Variants in DLGAP1 observed in about 807,000 individuals in gnomAD.
DLGAP1 encodes the protein DLG associated protein 1, also known as disks large-associated protein 1.
A neutral mutation model predicts 90.8 loss-of-function variants in DLGAP1; 11 were observed. The observed-to-expected ratio is 0.12, with a 90% CI of 0.08 to 0.20. DLGAP1 has a LOEUF of 0.20. DLGAP1 is among the 10% of genes least tolerant of loss of function. DLGAP1 has a pLI of 1.00. For missense variants in DLGAP1, 1,050 were observed against 1,333.8 expected, an observed-to-expected ratio of 0.79 and a Z score of 3.31; for synonymous variants, 558 against 540.7, an observed-to-expected ratio of 1.03 and a Z score of -0.44.
intron 1 of DLGAP1, among the ~76,000 whole-genome samples, chr18:4,407,778 A>G (rs1158464820): frequency 1.3e-5 from 2 of 151,854 alleles, no homozygotes; most frequent in African/African-American, 4.8e-5. Context: ...AGCTACTCGG[A>G]AGGCTGAGGC....
At chr18:4,033,148 C>A (rs7243737) in intron 2 of DLGAP1, among the ~76,000 whole-genome samples, 83,045 of 150,008 alleles carry the variant, frequency 0.55, 22,946 homozygotes, top group African/African-American at 0.62. Context: ...TTAGTTATTT[C>A]ATTTTTATTT....
At chr18:4,292,189 T>G (rs987026089) in intron 1 of DLGAP1, among the ~76,000 whole-genome samples, 1 of 152,152 alleles carries the variant, frequency 6.6e-6, no homozygotes, top group Admixed American at 6.6e-5. Context: ...TTGCCCTAAT[T>G]AGGCAGCATT....
At chr18:3,888,451 T>C (rs2071378309) in intron 3 of DLGAP1, among the ~76,000 whole-genome samples, 1 of 152,170 alleles carries the variant, frequency 6.6e-6, no homozygotes, top group Non-Finnish European at 1.5e-5. Context: ...GCTGTCCTAA[T>C]CATCTGCAGT....
intron 7 of DLGAP1, among the ~76,000 whole-genome samples, chr18:3,656,736 A>T (rs2059497150): frequency 1.4e-5 from 2 of 145,190 alleles, no homozygotes; most frequent in Admixed American, 1.4e-4. Context: ...TTTGCAGTGA[A>T]TTTTTTTTTT....
At chr18:4,334,296 T>G (rs1457254101) in intron 1 of DLGAP1, among the ~76,000 whole-genome samples, 1 of 151,782 alleles carries the variant, frequency 6.6e-6, no homozygotes, top group Non-Finnish European at 1.5e-5. Context: ...CATATGTTAG[T>G]CTAGTCTCTA....
intron 7 of DLGAP1, among the ~76,000 whole-genome samples, chr18:3,598,935 G>A (rs1272055393): frequency 6.6e-6 from 1 of 151,220 alleles, no homozygotes. Flanking sequence ...ACCACACCCG[G>A]CTAATGTTTG....
At chr18:4,321,196 T>C (rs2080677575) in intron 1 of DLGAP1, among the ~76,000 whole-genome samples, 2 of 152,184 alleles carry the variant, frequency 1.3e-5, no homozygotes, top group Non-Finnish European at 2.9e-5. Flanking sequence ...TCACTGTAAA[T>C]TTATAAATAT....
At chr18:3,971,937 G>A (rs2073458220) in intron 3 of DLGAP1, among the ~76,000 whole-genome samples, 1 of 152,164 alleles carries the variant, frequency 6.6e-6, no homozygotes, top group Non-Finnish European at 1.5e-5. Flanking sequence ...TAAAGTGCTG[G>A]TCCAGTTGAG....
chr18:3,502,007 T>TC (rs1180992558), intron 12 of DLGAP1: 4 of 300,188 alleles, frequency 1.3e-5, no homozygotes, highest in Non-Finnish European at 1.9e-5. Context: ...CTTTATGGTA[T>TC]ATATTTTTAG....
At chr18:4,204,528 T>TG (rs1299186148) in intron 1 of DLGAP1, among the ~76,000 whole-genome samples, 1 of 152,142 alleles carries the variant, frequency 6.6e-6, no homozygotes, top group African/African-American at 2.4e-5. Flanking sequence ...TGTTTTTGTT[T>TG]TTTTTTCTGA....
intron 1 of DLGAP1, among the ~76,000 whole-genome samples, chr18:4,172,252 G>A (rs567797549): frequency 1.2e-4 from 19 of 152,336 alleles, no homozygotes; most frequent in African/African-American, 3.8e-4. Flanking sequence ...AAGTTATTGT[G>A]TTAATTTTGA....
chr18:3,763,659 C>CT (rs796256395), intron 5 of DLGAP1, among the ~76,000 whole-genome samples: 22 of 147,678 alleles, frequency 1.5e-4, no homozygotes, highest in Admixed American at 4.1e-4. Flanking sequence ...AAAGGCCTAT[C>CT]TTTTTTTTTT....
At chr18:4,320,326 C>T (rs613326) in intron 1 of DLGAP1, among the ~76,000 whole-genome samples, 103,014 of 152,046 alleles carry the variant, frequency 0.68, 35,274 homozygotes, top group Non-Finnish European at 0.74. Context: ...TCTAGATGCA[C>T]TCAAGCTGAA....
chr18:4,262,872 T>C (rs1283704910), intron 1 of DLGAP1, among the ~76,000 whole-genome samples: 2 of 152,196 alleles, frequency 1.3e-5, no homozygotes, highest in Non-Finnish European at 2.9e-5. Context: ...TGTAAAGCAC[T>C]AAGAACAGAG....
chr18:4,144,650 G>C (rs761397094), intron 2 of DLGAP1, among the ~76,000 whole-genome samples: 6 of 152,170 alleles, frequency 3.9e-5, no homozygotes, highest in African/African-American at 1.4e-4. Context: ...CCTGCAGAGA[G>C]GATGATAGTG....
chr18:3,893,934 T>G (rs1417140093), intron 3 of DLGAP1, among the ~76,000 whole-genome samples: 1 of 150,280 alleles, frequency 6.7e-6, no homozygotes, highest in Admixed American at 6.6e-5. Flanking sequence ...AGATGGTATC[T>G]CCTTGTGGTT....
chr18:4,380,440 A>G (rs927104545), intron 1 of DLGAP1, among the ~76,000 whole-genome samples: 5 of 152,160 alleles, frequency 3.3e-5, no homozygotes, highest in African/African-American at 7.2e-5. Context: ...CTCATAGAAG[A>G]AAGGGAGTCA....
At chr18:4,165,773 C>T (rs1485470170) in intron 1 of DLGAP1, among the ~76,000 whole-genome samples, 2 of 152,068 alleles carry the variant, frequency 1.3e-5, no homozygotes. Context: ...GCAACCACTA[C>T]AAAAACCATA....
chr18:4,348,034 C>A (rs573434348), intron 1 of DLGAP1, among the ~76,000 whole-genome samples: 2 of 151,862 alleles, frequency 1.3e-5, no homozygotes, highest in Non-Finnish European at 2.9e-5. Context: ...AAATAAATAA[C>A]CACAGTGAAG....
Sources: allele counts gnomAD v4.1 joint callset (sites outside exome capture counted in the v4.1 genomes callset), GRCh38; gene constraint gnomAD v4.1.1; transcripts MANE v1.5; gene names NCBI Gene and HGNC (gene_info 2026-07-23, HGNC 2026-07-21).